The following EYA4 variants were observed in gnomAD, a reference collection of about 807,000 sequenced individuals.
EYA4 encodes EYA transcriptional coactivator and phosphatase 4, also known as protein phosphatase EYA4.
A neutral mutation model predicts 87.9 loss-of-function variants in EYA4; 31 were observed. That is an observed-to-expected ratio of 0.35 (90% CI 0.27 to 0.48). The LOEUF is 0.48. Among genes scored for constraint, EYA4 ranks in the 20% least tolerant of loss-of-function variants. The probability of loss-of-function intolerance (pLI) is 0.99; values close to 1 mark genes in which losing one functional copy is unlikely to be tolerated. For synonymous variants in EYA4, 263 were observed against 270.6 expected (o/e 0.97, Z 0.28); for missense variants, 678 against 761.4 (o/e 0.89, Z 1.29).
intron 1 of EYA4, among the ~76,000 whole-genome samples, chr6:133,264,797 A>G (rs1244720918): frequency 6.6e-6 from 1 of 152,080 alleles, no homozygotes; most frequent in Non-Finnish European, 1.5e-5. Context: ...AGCCAGAGCA[A>G]AGCATGCCTG....
intron 3 of EYA4, among the ~76,000 whole-genome samples, chr6:133,430,769 G>A (rs1302384296): frequency 6.6e-6 from 1 of 152,172 alleles, no homozygotes; most frequent in Non-Finnish European, 1.5e-5. Flanking sequence ...TGTTCATTGA[G>A]CACTTATTAT....
At chr6:133,428,911 C>CTTTTT (rs58727159) in intron 3 of EYA4, among the ~76,000 whole-genome samples, 2,889 of 48,158 alleles carry the variant, frequency 0.06, 1,029 homozygotes, top group Non-Finnish European at 0.072. Context: ...GATTTAGCTT[C>CTTTTT]TTTTTTTTTT....
intron 13 of EYA4, among the ~76,000 whole-genome samples, chr6:133,486,050 C>A (rs1013507200): frequency 6.6e-6 from 1 of 152,200 alleles, no homozygotes. Flanking sequence ...ATGGGAATAA[C>A]ACCATCTGTT....
At chr6:133,495,388 A>ATTT (rs942014178) in intron 13 of EYA4, among the ~76,000 whole-genome samples, 3 of 148,244 alleles carry the variant, frequency 2.0e-5, no homozygotes, top group Admixed American at 6.7e-5. Context: ...AAATATATTC[A>ATTT]TTTATTTATA....
chr6:133,259,767 G>A (rs1775641949), intron 1 of EYA4, among the ~76,000 whole-genome samples: 1 of 152,082 alleles, frequency 6.6e-6, no homozygotes, highest in East Asian at 1.9e-4. Flanking sequence ...TTGTGTTTGG[G>A]ACTTCTCCCT....
intron 13 of EYA4, among the ~76,000 whole-genome samples, chr6:133,490,124 T>C (rs1323901548): frequency 6.6e-6 from 1 of 152,152 alleles, no homozygotes; most frequent in African/African-American, 2.4e-5. Flanking sequence ...TAATGAGTTA[T>C]ATTATTTGCA....
chr6:133,306,077 T>A (rs933803019), intron 2 of EYA4, among the ~76,000 whole-genome samples: 2 of 152,290 alleles, frequency 1.3e-5, no homozygotes, highest in East Asian at 3.9e-4. Context: ...CTGGCGGTTT[T>A]AATGGTGTTG....
At chr6:133,354,440 G>C (rs1403199476) in intron 2 of EYA4, among the ~76,000 whole-genome samples, 1 of 152,098 alleles carries the variant, frequency 6.6e-6, no homozygotes, top group Non-Finnish European at 1.5e-5. Flanking sequence ...ATAAAGACTA[G>C]CTACTGTTTC....
At chr6:133,344,502 G>A (rs1783050739) in intron 2 of EYA4, among the ~76,000 whole-genome samples, 1 of 151,972 alleles carries the variant, frequency 6.6e-6, no homozygotes, top group African/African-American at 2.4e-5. Context: ...AAAACTTCAG[G>A]TCAGCTTTAC....
intron 3 of EYA4, among the ~76,000 whole-genome samples, chr6:133,396,327 T>C (rs1487211216): frequency 2.0e-5 from 3 of 152,214 alleles, no homozygotes; most frequent in South Asian, 2.1e-4. Flanking sequence ...CCTCATTCTC[T>C]TATTTTCTAT....
chr6:133,307,134 C>G (rs1051576278), intron 2 of EYA4, among the ~76,000 whole-genome samples: 1 of 152,154 alleles, frequency 6.6e-6, no homozygotes, highest in African/African-American at 2.4e-5. Flanking sequence ...GAATGTGAGG[C>G]GAGTTTCATT....
intron 18 of EYA4, 110 bp downstream of exon 18, chr6:133,523,287 G>T (rs1220223230): frequency 2.6e-6 from 3 of 1,175,552 alleles, no homozygotes; most frequent in South Asian, 1.2e-5. Context: ...TTTGGATAAA[G>T]TTCAAATTAC....
At chr6:133,375,008 T>C (rs1785563677) in intron 2 of EYA4, among the ~76,000 whole-genome samples, 1 of 152,048 alleles carries the variant, frequency 6.6e-6, no homozygotes, top group South Asian at 2.1e-4. Flanking sequence ...CAGAGATATA[T>C]TTTTTAAAAC....
chr6:133,515,453 CT>C lies in EYA4; in HGVS notation c.1616+21del. The stretch of plus-strand genomic sequence containing the variant: ...AGCACTAGGTAAGTGGAATTGTTAC[CT>C]TTCTATGTGTATCGTATTGAAGATT... On this transcript the variant is annotated intron_variant, in intron 17 of 19. Coordinates refer to ENST00000355286, the MANE Select transcript of EYA4 (RefSeq NM_004100.5). 7.7e-7 allele frequency: 1 copy of C among 1,295,842 alleles called. No homozygotes were observed. Among genetic ancestry groups the C allele is most frequent in the Non-Finnish European group, 1.1e-6 (1 of 889,338 alleles). 80.3% of individuals were successfully genotyped at this position (1,295,842 alleles called of 1,614,324 possible).
At chr6:133,408,258 A>G (rs1480546146) in intron 3 of EYA4, among the ~76,000 whole-genome samples, 1 of 152,122 alleles carries the variant, frequency 6.6e-6, no homozygotes, top group Non-Finnish European at 1.5e-5. Context: ...AGCTAGGAAG[A>G]TACTCCTCCT....
chr6:133,464,348 T>C (rs1794664106), intron 9 of EYA4, among the ~76,000 whole-genome samples: 1 of 152,188 alleles, frequency 6.6e-6, no homozygotes, highest in Non-Finnish European at 1.5e-5. Context: ...AATGGGGTTC[T>C]GTATGTTTAT....
chr6:133,498,568 A>T (rs1008028028), intron 13 of EYA4, among the ~76,000 whole-genome samples: 1 of 152,210 alleles, frequency 6.6e-6, no homozygotes, highest in Non-Finnish European at 1.5e-5. Flanking sequence ...TGAGTCAGTC[A>T]GTGTTGCAGA....
intron 13 of EYA4, among the ~76,000 whole-genome samples, chr6:133,505,729 T>C (rs549768594): frequency 8.1e-4 from 123 of 152,312 alleles, no homozygotes; most frequent in Non-Finnish European, 1.2e-3. Flanking sequence ...ATCCTTTCTT[T>C]TTAGTAAGTT....
chr6:133,487,819 T>C (rs1796807333), intron 13 of EYA4, among the ~76,000 whole-genome samples: 1 of 152,078 alleles, frequency 6.6e-6, no homozygotes, highest in Non-Finnish European at 1.5e-5. Flanking sequence ...GTGGTGGCTA[T>C]GGAGAGGGAC....
Sources: gnomAD v4.1 joint callset for allele counts (sites outside exome capture counted in the v4.1 genomes callset) on GRCh38, gnomAD v4.1.1 for gene constraint, MANE v1.5 for transcripts, NCBI Gene and HGNC (gene_info 2026-07-23, HGNC 2026-07-21) for gene names.